Variants in IGSF11 observed in about 807,000 individuals in gnomAD.
The protein encoded by IGSF11 is CXADR like 1.
In IGSF11, 22 loss-of-function variants were observed where a neutral mutation model predicts 41.0. The ratio of observed to expected loss-of-function variants is 0.54; its 90% CI spans 0.38 to 0.77. The LOEUF is 0.77. IGSF11 is among the 30% of genes least tolerant of loss of function. The pLI is 0.00. For synonymous variants in IGSF11, 219 were observed against 201.3 expected (o/e 1.09, Z -0.74); for missense variants, 444 against 530.8 (o/e 0.84, Z 1.61).
chr3:118,985,054 T>C (rs966948439), intron 1 of IGSF11, among the ~76,000 whole-genome samples: 3 of 152,206 alleles, frequency 2.0e-5, no homozygotes, highest in South Asian at 4.1e-4. Flanking sequence ...AACTTCTGTC[T>C]GAGATCTAAT....
intron 1 of IGSF11, among the ~76,000 whole-genome samples, chr3:118,990,545 G>C (rs1935694673): frequency 6.6e-6 from 1 of 152,070 alleles, no homozygotes; most frequent in Non-Finnish European, 1.5e-5. Context: ...CAAAATTCTA[G>C]AAAAATCTTG....
At chr3:118,975,193 C>CA (rs992385100) in intron 1 of IGSF11, among the ~76,000 whole-genome samples, 1 of 151,984 alleles carries the variant, frequency 6.6e-6, no homozygotes, top group Non-Finnish European at 1.5e-5. Context: ...TTGCCTTGAA[C>CA]AAAAAAATTA....
At chr3:118,971,410 A>T (rs1933397378) in intron 1 of IGSF11, among the ~76,000 whole-genome samples, 1 of 152,110 alleles carries the variant, frequency 6.6e-6, no homozygotes, top group South Asian at 2.1e-4. Flanking sequence ...ATTAAAATCA[A>T]TGTGGTTTGA....
chr3:119,005,598 G>A (rs1279754813), intron 1 of IGSF11, among the ~76,000 whole-genome samples: 1 of 119,658 alleles, frequency 8.4e-6, no homozygotes, highest in Non-Finnish European at 1.6e-5. Flanking sequence ...GCAGCGGCTG[G>A]TACCGGTTGT....
chr3:118,931,647 G>T (rs1942861958), intron 1 of IGSF11, among the ~76,000 whole-genome samples: 1 of 152,042 alleles, frequency 6.6e-6, no homozygotes, highest in Non-Finnish European at 1.5e-5. Context: ...CAGGCATAGG[G>T]ACTTGTAAAT....
intron 4 of IGSF11, among the ~76,000 whole-genome samples, chr3:118,922,743 G>A (rs538729145): frequency 6.6e-5 from 10 of 152,068 alleles, no homozygotes; most frequent in Non-Finnish European, 1.3e-4. Context: ...AGTTCTGGAA[G>A]GCTGGGAGCT....
rs551306391 is a variant in IGSF11, at chr3:118,935,375, T to TACAC, written c.53-5104_53-5101dup. On this transcript the variant is annotated intron_variant, in intron 1 of 6. Transcript: ENST00000393775. The stretch of plus-strand genomic sequence containing the variant: ...ACATGTATATACACCCTGAGATATA[T>TACAC]ACACACACACACACACACACATACA... Among the ~76,000 whole-genome samples the TACAC allele has an allele frequency of 6.1e-4, 69 of 113,522 alleles. No individual in the cohort carries two copies. The East Asian group carries it at 8.5e-3, about 14-fold the overall frequency. The allele number at this position is 113,522 out of a possible 152,430, so 74.5% of individuals were successfully genotyped here.
intron 1 of IGSF11, among the ~76,000 whole-genome samples, chr3:119,124,822 A>G (rs757533175): frequency 1.3e-5 from 2 of 152,152 alleles, no homozygotes; most frequent in Non-Finnish European, 2.9e-5. Flanking sequence ...CAAGAAGATT[A>G]TAAAACACCA....
At chr3:118,953,157 A>G (rs933773763) in intron 1 of IGSF11, among the ~76,000 whole-genome samples, 1 of 152,124 alleles carries the variant, frequency 6.6e-6, no homozygotes, top group Non-Finnish European at 1.5e-5. Flanking sequence ...ATGTTTTTCT[A>G]TTCCTGAGTT....
intron 4 of IGSF11, among the ~76,000 whole-genome samples, chr3:118,921,969 C>G (rs908452920): frequency 2.0e-5 from 3 of 151,534 alleles, no homozygotes; most frequent in Admixed American, 2.0e-4. Context: ...AGCTGCCAAA[C>G]TCATAAAATT....
intron 1 of IGSF11, among the ~76,000 whole-genome samples, chr3:118,981,545 TTCACCTCTTCCCTGTTCC>T (rs1451179899): frequency 6.6e-6 from 1 of 152,184 alleles, no homozygotes; most frequent in Non-Finnish European, 1.5e-5. Context: ...TTTCCAGTTC[TTCACCTCTTCCCTGTTCC>T]TCAATGTGAT....
intron 3 of IGSF11, 115 bp from the exon 4 acceptor site, chr3:118,926,371 T>C (rs531161027): frequency 3.6e-6 from 3 of 838,876 alleles, no homozygotes; most frequent in South Asian, 2.3e-5. Flanking sequence ...TTTGGGAACA[T>C]ATACCAGGAG....
At chr3:119,112,313 C>A (rs1042716874) in intron 1 of IGSF11, among the ~76,000 whole-genome samples, 1 of 152,146 alleles carries the variant, frequency 6.6e-6, no homozygotes, top group Admixed American at 6.5e-5. Flanking sequence ...CGCCCCTCCC[C>A]CAGCCTCTCT....
intron 4 of IGSF11, among the ~76,000 whole-genome samples, chr3:118,919,843 A>C: frequency 1.4e-5 from 1 of 69,840 alleles, no homozygotes; most frequent in Non-Finnish European, 2.7e-5. Context: ...CACAATAGCA[A>C]AGACTTGGAA....
intron 1 of IGSF11, among the ~76,000 whole-genome samples, chr3:118,946,338 A>G (rs1221307877): frequency 6.6e-6 from 1 of 151,938 alleles, no homozygotes; most frequent in East Asian, 1.9e-4. Flanking sequence ...AACCACTAAA[A>G]CACTAGGCTA....
intron 1 of IGSF11, among the ~76,000 whole-genome samples, chr3:118,960,397 G>A (rs2107600076): frequency 6.6e-6 from 1 of 152,200 alleles, no homozygotes; most frequent in East Asian, 1.9e-4. Flanking sequence ...AAAATACTTA[G>A]GGAAAAGGGA....
At chr3:119,018,476 T>C (rs1938968794) in intron 1 of IGSF11, among the ~76,000 whole-genome samples, 1 of 152,188 alleles carries the variant, frequency 6.6e-6, no homozygotes, top group Non-Finnish European at 1.5e-5. Context: ...GAAAATGTAA[T>C]CCACTTACTG....
At chr3:119,065,698 C>G (rs1205108358) in intron 1 of IGSF11, among the ~76,000 whole-genome samples, 6 of 146,248 alleles carry the variant, frequency 4.1e-5, no homozygotes. Context: ...GAGGCTGAAA[C>G]AGGAGAATTG....
intron 1 of IGSF11, among the ~76,000 whole-genome samples, chr3:118,999,891 C>T (rs1185531125): frequency 1.3e-5 from 2 of 152,006 alleles, no homozygotes; most frequent in Non-Finnish European, 2.9e-5. Context: ...AGAGTACCAG[C>T]AACCGACACC....
Sources: gnomAD v4.1 joint callset for allele counts (sites outside exome capture counted in the v4.1 genomes callset) on GRCh38, gnomAD v4.1.1 for gene constraint, MANE v1.5 for transcripts, NCBI Gene and HGNC (gene_info 2026-07-23, HGNC 2026-07-21) for gene names.